KCTD5: variants seen among roughly 807,000 people sequenced by gnomAD.
KCTD5 encodes BTB/POZ domain-containing protein KCTD5.
In KCTD5, 12 loss-of-function variants were observed where a neutral mutation model predicts 27.9. That is an observed-to-expected ratio of 0.43 (90% CI 0.28 to 0.70). The LOEUF is 0.70. Ranked by LOEUF, KCTD5 falls within the 30% of genes least tolerant of loss-of-function variation. The pLI is 0.19. For synonymous variants in KCTD5, 147 were observed against 121.4 expected (o/e 1.21, Z -1.39); for missense variants, 226 against 274.8 (o/e 0.82, Z 1.26).
chr16:2,688,188 G>C (rs1190296608), intron 1 of KCTD5, among the ~76,000 whole-genome samples: 1 of 149,412 alleles, frequency 6.7e-6, no homozygotes, highest in Admixed American at 6.7e-5. Context: ...TTCATTTCAT[G>C]TTTGTACTTG....
In KCTD5 at chr16:2,687,889, G is replaced by C. The variant is rs192855194; in HGVS notation, c.252+5089G>C. On this transcript the variant is annotated intron_variant, in intron 1 of 5. Coordinates refer to ENST00000301738, the MANE Select transcript of KCTD5 (RefSeq NM_018992.4). Reference sequence around the variant, plus strand: ...CCCAGGACATGCTTGTTCTCCCTGGGCGTCAACTCGGCAGTTCTCCATGGA... The same window carrying C: ...CCCAGGACATGCTTGTTCTCCCTGGCCGTCAACTCGGCAGTTCTCCATGGA... Among the ~76,000 whole-genome samples the C allele has an allele frequency of 2.7e-3, 417 of 152,236 alleles. 2 individuals are homozygous for C. The highest frequency in any genetic ancestry group is 9.5e-3 in the African/African-American group (394 of 41,530).
chr16:2,682,579 C>G lies in KCTD5; in HGVS notation c.31C>G (p.Pro11Ala). The G allele has an allele frequency of 7.1e-7, 1 of 1,415,720 alleles. No homozygotes were observed. Among genetic ancestry groups the G allele is most frequent in the Non-Finnish European group, 9.2e-7 (1 of 1,089,044 alleles). The allele number at this position is 1,415,720 out of a possible 1,614,324, so 87.7% of individuals were successfully genotyped here. A position where few individuals can be genotyped will look rare whatever the true frequency, so the allele number is the denominator to read the frequency against. The change falls in exon 1 of 6, where the codon CCG becomes GCG. Residue 11 changes from proline (P) to alanine (A), a missense_variant. Around this residue, in one of 2 missense-constraint regions of KCTD5, gnomAD observed 91 missense variants for 67.8 expected, o/e 1.34. Coordinates refer to ENST00000301738, the MANE Select transcript of KCTD5 (RefSeq NM_018992.4). ...GGAGAATCACTGCGAGCTCCTGTCGCCGGCCCGGGGCGGCATCGGGGCGGG... is the reference window on the plus strand; with the variant it reads ...GGAGAATCACTGCGAGCTCCTGTCGGCGGCCCGGGGCGGCATCGGGGCGGG... MAENHCELLS[P>A]ARGGIGAGLG...
chr16:2,694,309 C>CT (rs1306903543), intron 1 of KCTD5, among the ~76,000 whole-genome samples: 370 of 138,272 alleles, frequency 2.7e-3, no homozygotes, highest in African/African-American at 9.1e-3. Context: ...GAGGCAGGGC[C>CT]TGTGGGGTGG....
intron 1 of KCTD5, among the ~76,000 whole-genome samples, chr16:2,687,064 G>A (rs1192219258): frequency 6.6e-6 from 1 of 152,180 alleles, no homozygotes; most frequent in Non-Finnish European, 1.5e-5. Flanking sequence ...CCTCTGCGAT[G>A]GTCCCTGCGG....
chr16:2,691,488 C>T (rs2067566463), intron 1 of KCTD5, among the ~76,000 whole-genome samples: 1 of 152,228 alleles, frequency 6.6e-6, no homozygotes, highest in Non-Finnish European at 1.5e-5. Context: ...CAGGGCTCTG[C>T]AGTGTCACTC....
intron 5 of KCTD5, among the ~76,000 whole-genome samples, chr16:2,703,473 T>G (rs2067621482): frequency 6.6e-6 from 1 of 152,116 alleles, no homozygotes; most frequent in Non-Finnish European, 1.5e-5. Flanking sequence ...TTTTAACTGG[T>G]GGCATTAAAC....
intron 1 of KCTD5, among the ~76,000 whole-genome samples, chr16:2,687,235 A>G (rs191701775): frequency 8.5e-5 from 13 of 152,328 alleles, no homozygotes; most frequent in Non-Finnish European, 1.9e-4. Flanking sequence ...TGGTGATGAA[A>G]TGGAACGTTT....
chr16:2,706,422 C>T (rs776796742), intron 5 of KCTD5, among the ~76,000 whole-genome samples: 4 of 152,280 alleles, frequency 2.6e-5, no homozygotes, highest in South Asian at 4.1e-4. Flanking sequence ...TTGTGGGCCA[C>T]GCACAGTGAG....
chr16:2,702,099 C>A (rs1454828763), intron 4 of KCTD5, among the ~76,000 whole-genome samples: 1 of 152,180 alleles, frequency 6.6e-6, no homozygotes, highest in East Asian at 1.9e-4. Flanking sequence ...CCTTTTGGCC[C>A]AGCTGGAAGC....
intron 4 of KCTD5, 82 bp downstream of exon 4, chr16:2,699,998 G>A: frequency 2.3e-6 from 3 of 1,303,454 alleles, no homozygotes; most frequent in Admixed American, 1.8e-5. Context: ...AGTGCTCCTG[G>A]AAATGCAGAC....
chr16:2,693,153 C>T (rs1225972962), intron 1 of KCTD5, among the ~76,000 whole-genome samples: 1 of 152,264 alleles, frequency 6.6e-6, no homozygotes, highest in Admixed American at 6.5e-5. Context: ...CCCCAGGCCC[C>T]CGAAGCACAG....
chr16:2,682,760 A>G lies in KCTD5; in HGVS notation c.212A>G (p.Tyr71Cys). The G allele has an allele frequency of 6.2e-7, 1 of 1,606,570 alleles. No individual in the cohort carries two copies. The highest frequency in any genetic ancestry group is 8.5e-7 in the Non-Finnish European group (1 of 1,177,220). ...TLCRDPKSFLYRLCQADPDLD... is the reference protein window; with the variant it reads ...TLCRDPKSFLCRLCQADPDLD... Reference sequence around the variant, plus strand: ...TGCCGGGACCCGAAATCCTTCCTGTACCGCTTATGCCAGGCCGATCCCGAC... The same window carrying G: ...TGCCGGGACCCGAAATCCTTCCTGTGCCGCTTATGCCAGGCCGATCCCGAC... The change falls in exon 1 of 6, where the codon TAC (tyrosine) becomes TGC (cysteine). Residue 71 changes from tyrosine to cysteine, a missense_variant. By Grantham distance (194) the Tyr-to-Cys change is radical. Coordinates refer to ENST00000301738, the MANE Select transcript of KCTD5 (RefSeq NM_018992.4).
In KCTD5 at chr16:2,702,336, G is replaced by A. The variant is rs755719010; in HGVS notation, c.550-17G>A. 3.1e-6 allele frequency: 5 copies of A among 1,613,302 alleles called. No individual in the cohort carries two copies. In the South Asian group the frequency reaches 4.4e-5, roughly 14 times the overall value. On this transcript the variant is annotated splice_polypyrimidine_tract_variant and intron_variant, in intron 4 of 5. Coordinates refer to ENST00000301738, the MANE Select transcript of KCTD5 (RefSeq NM_018992.4). ...CAGGCTTCACTGGGCTGCGTCTCAG[G>A]CTATGTCTCCTTGCAGTTGGTCAGC...
intron 4 of KCTD5, among the ~76,000 whole-genome samples, chr16:2,701,407 G>C (rs80041853): frequency 0.014 from 2,067 of 152,310 alleles, 45 homozygotes; most frequent in African/African-American, 0.048. Context: ...GTCCCCAGTG[G>C]TCAGCAGGGG....
chr16:2,703,570 G>A (rs960050791), intron 5 of KCTD5, among the ~76,000 whole-genome samples: 4 of 152,204 alleles, frequency 2.6e-5, no homozygotes, highest in African/African-American at 7.2e-5. Context: ...GAGCCTCTCC[G>A]AGTAGGCCTT....
intron 4 of KCTD5, 79 bp downstream of exon 4, chr16:2,699,995 C>A: frequency 7.5e-7 from 1 of 1,330,364 alleles, no homozygotes; most frequent in Non-Finnish European, 1.1e-6. Context: ...CTCAGTGCTC[C>A]TGGAAATGCA....
At chr16:2,691,735 T>G (rs1010807944) in intron 1 of KCTD5, among the ~76,000 whole-genome samples, 1 of 152,204 alleles carries the variant, frequency 6.6e-6, no homozygotes, top group Non-Finnish European at 1.5e-5. Flanking sequence ...TCCTCTGCCC[T>G]GCAGCCTTGG....
At position 2,702,424 on chromosome 16, in the gene KCTD5, G is replaced by A; in HGVS notation, c.621G>A (p.Lys207=). ...CCGAGTTCCTCTGTGTGGTGTCCAA[G>A]GAGCTGCACAACACCCCGTACGGTA... ...DQAEFLCVVS[K]ELHNTPYGTA... The change falls in exon 5 of 6, where the codon AAG becomes AAA. Residue 207 remains lysine (K), a synonymous_variant. Coordinates refer to ENST00000301738, the MANE Select transcript of KCTD5 (RefSeq NM_018992.4). 4 of 1,613,486 alleles carry A rather than the reference G, an allele frequency of 2.5e-6. No homozygotes were observed.
chr16:2,699,303 G>T (rs1459652805), intron 3 of KCTD5: 2 of 442,436 alleles, frequency 4.5e-6, no homozygotes, highest in Admixed American at 4.9e-5. Flanking sequence ...CACAGCAAGC[G>T]TGCCAGGCAG....
Sources: gnomAD v4.1 joint callset for allele counts (sites outside exome capture counted in the v4.1 genomes callset) on GRCh38, gnomAD v4.1.1 for gene constraint, gnomAD v4.1.1 regional missense constraint, MANE v1.5 for transcripts, NCBI Gene and HGNC (gene_info 2026-07-23, HGNC 2026-07-21) for gene names.